Variants in CCDC181 observed in about 807,000 individuals in gnomAD.
CCDC181 encodes the protein coiled-coil domain-containing protein 181.
In CCDC181, 35 loss-of-function variants were observed where a neutral mutation model predicts 58.7. That is an observed-to-expected ratio of 0.60 (90% CI 0.46 to 0.79). CCDC181 has a LOEUF of 0.79. Among genes scored for constraint, CCDC181 ranks in the 30% least tolerant of loss-of-function variants. CCDC181 has a pLI of 0.00. For missense variants in CCDC181, 517 were observed against 583.9 expected, an observed-to-expected ratio of 0.89 and a Z score of 1.18; for synonymous variants, 183 against 197.5, an observed-to-expected ratio of 0.93 and a Z score of 0.62.
chr1:169,426,598 T>G (rs920037656), intron 1 of CCDC181, among the ~76,000 whole-genome samples: 1 of 152,224 alleles, frequency 6.6e-6, no homozygotes, highest in Non-Finnish European at 1.5e-5. Flanking sequence ...GATAACTTTC[T>G]TCCAGAATTC....
chr1:169,399,472 G>T (rs980209430), intron 4 of CCDC181, among the ~76,000 whole-genome samples: 9 of 152,028 alleles, frequency 5.9e-5, no homozygotes, highest in Non-Finnish European at 2.9e-5. Flanking sequence ...AATTACAGCA[G>T]AACTATCATC....
intron 5 of CCDC181, chr1:169,396,408 T>G (rs952465391): frequency 1.3e-5 from 2 of 151,888 alleles, no homozygotes; most frequent in Non-Finnish European, 2.9e-5. Flanking sequence ...ATATAAAAAT[T>G]AGCCAGGTGT....
intron 4 of CCDC181, among the ~76,000 whole-genome samples, chr1:169,403,618 C>G (rs1483929652): frequency 6.6e-6 from 1 of 152,124 alleles, no homozygotes; most frequent in Non-Finnish European, 1.5e-5. Flanking sequence ...CCAATGAGAA[C>G]AAAGACACAA....
Position 169,439,587 on chromosome 1 carries a change from C to T in CCDC181, c.-23-14637G>A, listed in dbSNP as rs114249748. On this transcript the variant is annotated intron_variant, in intron 2 of 6. Transcript: ENST00000545005. ...GGTCTCAGGACTCACAGTAGCATCT[C>T]GGGGTGTGTTACAATTAATGCTCTT... Among the ~76,000 whole-genome samples the T allele has an allele frequency of 9.1e-4, 139 of 152,210 alleles. 1 individual carries two copies. The highest frequency in any genetic ancestry group is 3.2e-3 in the African/African-American group (132 of 41,528).
chr1:169,407,699 A>T (rs1478142414), intron 4 of CCDC181, among the ~76,000 whole-genome samples: 1 of 152,198 alleles, frequency 6.6e-6, no homozygotes, highest in Non-Finnish European at 1.5e-5. Context: ...CACAGAAGGC[A>T]GGTGATTTCT....
intron 2 of CCDC181, among the ~76,000 whole-genome samples, chr1:169,439,903 A>G (rs983061165): frequency 6.6e-6 from 1 of 151,920 alleles, no homozygotes; most frequent in Non-Finnish European, 1.5e-5. Flanking sequence ...ACTCCTCTCA[A>G]CGTTCAGATG....
chr1:169,403,794 A>C (rs1257159855), intron 4 of CCDC181, among the ~76,000 whole-genome samples: 2 of 152,256 alleles, frequency 1.3e-5, no homozygotes, highest in Non-Finnish European at 2.9e-5. Flanking sequence ...AGCAGAAGGC[A>C]AGAAATAACT....
chr1:169,400,935 G>T (rs1324517791), intron 4 of CCDC181, among the ~76,000 whole-genome samples: 1 of 152,134 alleles, frequency 6.6e-6, no homozygotes, highest in Non-Finnish European at 1.5e-5. Context: ...CTGGAAAACT[G>T]GGACACTCCC....
chr1:169,431,399 T>C (rs1035411863), upstream of CCDC181, among the ~76,000 whole-genome samples: 2 of 152,152 alleles, frequency 1.3e-5, no homozygotes, highest in African/African-American at 4.8e-5. Flanking sequence ...CATCAAATGA[T>C]GAATGGATAA....
intron 4 of CCDC181, among the ~76,000 whole-genome samples, chr1:169,407,888 G>A (rs983548040): frequency 2.6e-5 from 4 of 152,186 alleles, no homozygotes; most frequent in Admixed American, 2.6e-4. Flanking sequence ...GAGGAACTGT[G>A]CATTATTGCC....
rs1557868193 is a variant in CCDC181 at position 169,418,492 on chromosome 1, T to C, written c.1215+521A>G. On this transcript the variant is annotated intron_variant, in intron 4 of 5. Coordinates refer to ENST00000367806, the MANE Select transcript of CCDC181 (RefSeq NM_001300969.2). ...AGGAGCTTAGGGTTAAATTTTCTTT[T>C]TTTCTTTTTTTTTAAATTTTATTAT... Among the ~76,000 whole-genome samples, 8 of 151,922 alleles carry C rather than the reference T, an allele frequency of 5.3e-5. No individual in the cohort carries two copies. In the South Asian group the frequency reaches 1.7e-3, roughly 31 times the overall value.
In CCDC181 at chr1:169,419,113, TTC is replaced by T. The variant is rs757347357; in HGVS notation, c.1113_1114del (p.Asn372Ter). ...CAACCACGCTTTAAATACTATGTCATTCTCTCTCTTTTTTTCTTTCTCTTCTT... is the reference window on the plus strand; with the variant it reads ...CAACCACGCTTTAAATACTATGTCATTCTCTCTTTTTTTCTTTCTCTTCTT... On this transcript the variant is annotated frameshift_variant, in exon 4 of 6. Coordinates refer to ENST00000367806, the MANE Select transcript of CCDC181 (RefSeq NM_001300969.2). LOFTEE classifies it high-confidence loss of function. The T allele has an allele frequency of 1.2e-6, 2 of 1,610,788 alleles. No individual in the cohort carries two copies. Among genetic ancestry groups the T allele is most frequent in the South Asian group, 1.1e-5 (1 of 89,924 alleles).
chr1:169,397,207 G>A (rs753687798), intron 5 of CCDC181, 30 bp downstream of exon 5: 2 of 1,500,256 alleles, frequency 1.3e-6, no homozygotes, highest in Admixed American at 4.8e-5. Context: ...GAGGAAGGAG[G>A]AGGGGGGAAA....
chr1:169,429,726 T>A (rs536112808), upstream of CCDC181, among the ~76,000 whole-genome samples: 33 of 152,352 alleles, frequency 2.2e-4, 1 homozygote, highest in Admixed American at 1.6e-3. Context: ...ATGCATAGTT[T>A]GTGAAGATTT....
At chr1:169,430,259 C>T (rs550157278), upstream of CCDC181, among the ~76,000 whole-genome samples, 1 of 151,968 alleles carries the variant, frequency 6.6e-6, no homozygotes, top group Non-Finnish European at 1.5e-5. Flanking sequence ...GCTTAGTTTT[C>T]CTTTGGCTCT....
intron 4 of CCDC181, among the ~76,000 whole-genome samples, chr1:169,404,455 A>G (rs1458027124): frequency 6.6e-6 from 1 of 152,210 alleles, no homozygotes; most frequent in Non-Finnish European, 1.5e-5. Context: ...CAAAAAGCTT[A>G]TCCACCATGA....
At chr1:169,442,073 A>T (rs543851580) in intron 2 of CCDC181, among the ~76,000 whole-genome samples, 1 of 152,148 alleles carries the variant, frequency 6.6e-6, no homozygotes, top group Non-Finnish European at 1.5e-5. Context: ...TAGAAAAGCA[A>T]TATTTATTTA....
intron 4 of CCDC181, among the ~76,000 whole-genome samples, chr1:169,411,808 G>T (rs1655978717): frequency 1.3e-5 from 2 of 152,052 alleles, no homozygotes; most frequent in African/African-American, 4.8e-5. Flanking sequence ...TGCAGAAAAG[G>T]CCTTCGATAA....
At chr1:169,411,577 C>CACA in intron 4 of CCDC181, among the ~76,000 whole-genome samples, 1 of 152,058 alleles carries the variant, frequency 6.6e-6, no homozygotes, top group Non-Finnish European at 1.5e-5. Context: ...CTGGCAGAGA[C>CACA]ACAAGAAAAG....
Sources: gnomAD v4.1 joint callset for allele counts (sites outside exome capture counted in the v4.1 genomes callset) on GRCh38, gnomAD v4.1.1 for gene constraint, MANE v1.5 for transcripts, NCBI Gene and HGNC (gene_info 2026-07-23, HGNC 2026-07-21) for gene names.